The following RSPH14 variants were observed in gnomAD, a reference collection of about 807,000 sequenced individuals.
The protein encoded by RSPH14 is rhabdoid tumor deletion region gene 1.
RSPH14 carries 20 observed loss-of-function variants against 26.7 expected under a neutral mutation model. That is an observed-to-expected ratio of 0.75 (90% CI 0.53 to 1.09). The LOEUF (loss-of-function observed/expected upper bound fraction) is 1.09. Ranked by LOEUF, RSPH14 falls within the 50% of genes least tolerant of loss-of-function variation. The probability of loss-of-function intolerance (pLI) is 0.00; values close to 1 mark genes in which losing one functional copy is unlikely to be tolerated. For synonymous variants in RSPH14, 177 were observed against 189.3 expected, an observed-to-expected ratio of 0.93 and a Z score of 0.53; for missense variants, 449 against 457.2, an observed-to-expected ratio of 0.98 and a Z score of 0.16.
chr22:23,160,854 TC>T, the RSPH14 span: 190 of 1,608,426 alleles, frequency 1.2e-4, no homozygotes, highest in Non-Finnish European at 4.5e-5. Context: ...ACTGATGAGG[TC>T]CCGGCTGTCT....
chr22:23,119,000 G>T (rs566118407), intron 4 of RSPH14, among the ~76,000 whole-genome samples: 2 of 152,188 alleles, frequency 1.3e-5, no homozygotes, highest in African/African-American at 4.8e-5. Context: ...GCATGGACAG[G>T]TCAGAGGGCT....
At chr22:23,168,614 C>A in the RSPH14 span, among the ~76,000 whole-genome samples, 1 of 152,336 alleles carries the variant, frequency 6.6e-6, no homozygotes, top group Non-Finnish European at 1.5e-5. Flanking sequence ...TCCCATATGT[C>A]AGCCTTCCCC....
the RSPH14 span, chr22:23,157,897 C>G: frequency 6.3e-7 from 1 of 1,589,080 alleles, no homozygotes; most frequent in South Asian, 1.2e-5. Context: ...GGGGGGCTGC[C>G]CTGGCAGTTC....
In RSPH14 at chr22:23,059,440, C is replaced by T. The variant is rs1395161702; in HGVS notation, c.*22G>A. 1 of 1,575,894 alleles carries T rather than the reference C, an allele frequency of 6.3e-7. No individual in the cohort carries two copies. On this transcript the variant is annotated 3_prime_UTR_variant, in exon 7 of 7. Coordinates refer to ENST00000216036, the MANE Select transcript of RSPH14 (RefSeq NM_014433.3). ...TAAAGAGACTTAGCACATTTATTCACTCACAGAGGTGAATGAAGGGCTCAG... is the reference window on the plus strand; with the variant it reads ...TAAAGAGACTTAGCACATTTATTCATTCACAGAGGTGAATGAAGGGCTCAG...
At chr22:23,133,901 C>G (rs1176301553) in intron 4 of RSPH14, 125 bp downstream of exon 4, 1 of 690,770 alleles carries the variant, frequency 1.4e-6, no homozygotes, top group South Asian at 1.5e-5. Context: ...ATGTGCTTTT[C>G]TAATATGTAT....
intron 4 of RSPH14, among the ~76,000 whole-genome samples, chr22:23,093,681 G>C (rs2069048943): frequency 6.6e-6 from 1 of 152,210 alleles, no homozygotes; most frequent in Non-Finnish European, 1.5e-5. Flanking sequence ...CTCTGAGATG[G>C]GAGTAAGTCG....
At chr22:23,125,138 C>T (rs2070147369) in intron 4 of RSPH14, 1 of 152,202 alleles carries the variant, frequency 6.6e-6, no homozygotes, top group Admixed American at 6.5e-5. Context: ...TCCCATATTC[C>T]AAACCCCACC....
the RSPH14 span, among the ~76,000 whole-genome samples, chr22:23,169,949 T>C: frequency 6.6e-6 from 1 of 151,854 alleles, no homozygotes; most frequent in African/African-American, 2.4e-5. Flanking sequence ...CTATAAAAAT[T>C]AGCTGGGCAT....
the RSPH14 span, among the ~76,000 whole-genome samples, chr22:23,169,842 C>A: frequency 0.015 from 2,323 of 152,144 alleles, 93 homozygotes; most frequent in Non-Finnish European, 0.014. Context: ...GTGGTGCACA[C>A]CTGTAATTCT....
At chr22:23,106,388 G>T (rs185282378) in intron 4 of RSPH14, among the ~76,000 whole-genome samples, 56 of 152,328 alleles carry the variant, frequency 3.7e-4, no homozygotes, top group Non-Finnish European at 1.5e-4. Flanking sequence ...CTGCCCAGTG[G>T]GTGAAGCCCA....
At chr22:23,152,611 C>A in the RSPH14 span, 1 of 1,310,472 alleles carries the variant, frequency 7.6e-7, no homozygotes, top group Non-Finnish European at 1.1e-6. Context: ...ATAATATCAA[C>A]ATAGCAGAAA....
the RSPH14 span, chr22:23,159,171 C>A: frequency 6.2e-7 from 1 of 1,611,130 alleles, no homozygotes. Flanking sequence ...AGTCAGGGGC[C>A]GCATGTGAGC....
intron 4 of RSPH14, chr22:23,095,847 A>G: frequency 1.2e-6 from 2 of 1,613,822 alleles, no homozygotes; most frequent in East Asian, 2.2e-5. Flanking sequence ...ACCATCGTCA[A>G]ACAGATGAAG....
the RSPH14 span, among the ~76,000 whole-genome samples, chr22:23,172,415 CAAAA>C: frequency 5.1e-5 from 3 of 59,350 alleles, no homozygotes; most frequent in Admixed American, 1.9e-4. Context: ...GATTCTGTCT[CAAAA>C]AAAAAAAAAA....
intron 4 of RSPH14, among the ~76,000 whole-genome samples, chr22:23,065,762 G>A (rs1349238134): frequency 2.0e-5 from 3 of 152,128 alleles, no homozygotes; most frequent in African/African-American, 4.8e-5. Flanking sequence ...TCTGGGCCTA[G>A]GGTGGCAAGA....
chr22:23,088,129 T>C (rs1601776381), intron 4 of RSPH14, among the ~76,000 whole-genome samples: 1 of 152,268 alleles, frequency 6.6e-6, no homozygotes, highest in South Asian at 2.1e-4. Flanking sequence ...TCTCTTTCAC[T>C]GTCTCAGTCA....
At chr22:23,172,690 C>G in the RSPH14 span, among the ~76,000 whole-genome samples, 1 of 150,530 alleles carries the variant, frequency 6.6e-6, no homozygotes, top group African/African-American at 2.5e-5. Context: ...TGGCTCACAC[C>G]TTTAATCCCA....
chr22:23,138,568 GAAAGA>G (rs2070522741), intron 3 of RSPH14, among the ~76,000 whole-genome samples: 1 of 151,538 alleles, frequency 6.6e-6, no homozygotes, highest in Non-Finnish European at 1.5e-5. Context: ...TCTCAAAAAA[GAAAGA>G]AAAGAAAGAG....
At chr22:23,152,928 T>C in the RSPH14 span, 8 of 808,482 alleles carry the variant, frequency 9.9e-6, no homozygotes, top group Non-Finnish European at 1.7e-5. Context: ...CGCTTCCTGA[T>C]GGGAAGTGGA....
Sources: gnomAD v4.1 joint callset for allele counts (sites outside exome capture counted in the v4.1 genomes callset) on GRCh38, gnomAD v4.1.1 for gene constraint, MANE v1.5 for transcripts, NCBI Gene and HGNC (gene_info 2026-07-23, HGNC 2026-07-21) for gene names.